CPED1: variants seen among roughly 807,000 people sequenced by gnomAD.
The protein encoded by CPED1 is cadherin-like and PC-esterase domain-containing protein 1.
A neutral mutation model predicts 128.2 loss-of-function variants in CPED1; 114 were observed. The observed-to-expected ratio is 0.89, with a 90% CI of 0.76 to 1.04. CPED1 has a LOEUF of 1.04. CPED1 is among the 50% of genes least tolerant of loss of function. The pLI is 0.00. For missense variants in CPED1, 1,211 were observed against 1,207.1 expected, an observed-to-expected ratio of 1.00 and a Z score of -0.05; for synonymous variants, 462 against 426.7, an observed-to-expected ratio of 1.08 and a Z score of -1.02.
At chr7:121,142,372 T>C (rs1160096756) in intron 16 of CPED1, among the ~76,000 whole-genome samples, 1 of 152,030 alleles carries the variant, frequency 6.6e-6, no homozygotes, top group Non-Finnish European at 1.5e-5. Flanking sequence ...AGTGGACTTA[T>C]TGTGGTTAAT....
At chr7:121,056,935 T>C (rs1007444891) in intron 4 of CPED1, among the ~76,000 whole-genome samples, 11 of 152,136 alleles carry the variant, frequency 7.2e-5, no homozygotes, top group Non-Finnish European at 1.6e-4. Context: ...TCAAGTCCTC[T>C]CTTCTCGTTA....
rs73723409 is a variant in CPED1 at position 121,063,254 on chromosome 7, G to C, written c.541-984G>C. ...TTGGGGAAGATTTCATCAATGCACA[G>C]TTGCCAAGCACTTTAAATGAATCAG... On this transcript the variant is annotated intron_variant, in intron 4 of 22. Transcript: ENST00000310396. Among the ~76,000 whole-genome samples the C allele has an allele frequency of 6.3e-3, 961 of 152,154 alleles. 13 individuals are homozygous for C. Among genetic ancestry groups the C allele is most frequent in the African/African-American group, 0.022 (918 of 41,500 alleles).
chr7:121,286,901 G>A (rs1019632181), intron 22 of CPED1, among the ~76,000 whole-genome samples: 2 of 152,156 alleles, frequency 1.3e-5, no homozygotes, highest in Non-Finnish European at 2.9e-5. Flanking sequence ...TGGCTGAGGA[G>A]GCCTCAGGAA....
chr7:121,207,840 C>G (rs1056309264), intron 16 of CPED1, among the ~76,000 whole-genome samples: 8 of 151,926 alleles, frequency 5.3e-5, no homozygotes, highest in African/African-American at 1.9e-4. Context: ...TTTGGAACCC[C>G]AAACTCTTCT....
intron 2 of CPED1, among the ~76,000 whole-genome samples, chr7:121,001,157 C>T (rs1041753918): frequency 6.6e-6 from 1 of 152,090 alleles, no homozygotes; most frequent in African/African-American, 2.4e-5. Context: ...GCTACTTGTC[C>T]ACTTTCCTTT....
At chr7:120,999,383 A>G (rs992113431) in intron 2 of CPED1, among the ~76,000 whole-genome samples, 7 of 152,118 alleles carry the variant, frequency 4.6e-5, no homozygotes, top group African/African-American at 1.7e-4. Flanking sequence ...GCCTATAAAC[A>G]TTCTCAAGTA....
intron 4 of CPED1, among the ~76,000 whole-genome samples, chr7:121,055,755 G>A (rs1793481346): frequency 6.6e-6 from 1 of 151,730 alleles, no homozygotes; most frequent in Non-Finnish European, 1.5e-5. Flanking sequence ...AGCCTATAAA[G>A]TACATTTATT....
intron 3 of CPED1, among the ~76,000 whole-genome samples, chr7:121,024,793 T>C (rs78939205): frequency 0.02 from 3,003 of 152,282 alleles, 100 homozygotes; most frequent in African/African-American, 0.069. Context: ...TAAAAACACA[T>C]AATATCCGAA....
chr7:121,281,472 A>G (rs761685470), intron 22 of CPED1, among the ~76,000 whole-genome samples: 2 of 152,166 alleles, frequency 1.3e-5, no homozygotes, highest in Non-Finnish European at 2.9e-5. Flanking sequence ...TATGCCTTCT[A>G]AAATGTCTCT....
chr7:121,238,167 G>A (rs1227831596), intron 17 of CPED1, among the ~76,000 whole-genome samples: 4 of 152,122 alleles, frequency 2.6e-5, no homozygotes, highest in Non-Finnish European at 5.9e-5. Context: ...CTTATGTTAG[G>A]CTTTGTGCCT....
intron 22 of CPED1, 147 bp from the exon 23 acceptor site, chr7:121,295,293 A>G (rs1156825167): frequency 1.0e-6 from 1 of 975,340 alleles, no homozygotes; most frequent in Non-Finnish European, 1.5e-6. Flanking sequence ...AACATAAGTT[A>G]TAGCCATTCC....
intron 18 of CPED1, among the ~76,000 whole-genome samples, chr7:121,247,826 G>A (rs1798572555): frequency 6.6e-6 from 1 of 152,106 alleles, no homozygotes; most frequent in South Asian, 2.1e-4. Flanking sequence ...CATCCCCCAA[G>A]TTTCCCTATC....
At chr7:120,995,953 TC>T in intron 2 of CPED1, among the ~76,000 whole-genome samples, 1 of 132,660 alleles carries the variant, frequency 7.5e-6, no homozygotes, top group Non-Finnish European at 1.6e-5. Flanking sequence ...CTTCTCCTCC[TC>T]CTCCTCCTCC....
intron 5 of CPED1, among the ~76,000 whole-genome samples, chr7:121,067,484 G>C (rs892748058): frequency 2.1e-4 from 32 of 152,234 alleles, no homozygotes; most frequent in Non-Finnish European, 4.3e-4. Flanking sequence ...TGGTGTACAC[G>C]TGCCACATTT....
rs545593746 is a variant in CPED1, at chr7:121,241,065, C to T, written c.2174-3137C>T. ...ATGAAAAAGAAATTATAAAACAGGC[C>T]GGGCGCGGTGGCTCACGCCTGTAAT... On this transcript the variant is annotated intron_variant, in intron 17 of 22. Coordinates refer to ENST00000310396, the MANE Select transcript of CPED1 (RefSeq NM_024913.5). Among the ~76,000 whole-genome samples, 3 of 54,738 alleles carry T rather than the reference C, an allele frequency of 5.5e-5. 1 individual carries two copies. The highest frequency in any genetic ancestry group is 1.3e-4 in the Non-Finnish European group (3 of 23,280). The allele number at this position is 54,738 out of a possible 152,430, so 35.9% of individuals were successfully genotyped here.
At chr7:121,176,033 A>G (rs139317017) in intron 16 of CPED1, among the ~76,000 whole-genome samples, 51 of 152,068 alleles carry the variant, frequency 3.4e-4, no homozygotes, top group African/African-American at 1.2e-3. Context: ...TAGAATGTAT[A>G]CCGCTTGGTG....
chr7:121,179,131 A>G (rs1383755247), intron 16 of CPED1, among the ~76,000 whole-genome samples: 2 of 152,094 alleles, frequency 1.3e-5, no homozygotes, highest in African/African-American at 4.8e-5. Context: ...CTGAAGGAAA[A>G]TGATGGGGTA....
At chr7:121,034,243 T>A (rs1452179642) in intron 3 of CPED1, among the ~76,000 whole-genome samples, 1 of 90,658 alleles carries the variant, frequency 1.1e-5, no homozygotes, top group Non-Finnish European at 2.2e-5. Flanking sequence ...TCAAGTTTTT[T>A]TTTCTTTTTT....
At chr7:121,291,977 C>T (rs764683764) in intron 22 of CPED1, among the ~76,000 whole-genome samples, 4 of 151,958 alleles carry the variant, frequency 2.6e-5, no homozygotes, top group Non-Finnish European at 4.4e-5. Context: ...TACATTCCAT[C>T]AATGCCTAGT....
Sources: allele counts gnomAD v4.1 joint callset (sites outside exome capture counted in the v4.1 genomes callset), GRCh38; gene constraint gnomAD v4.1.1; transcripts MANE v1.5; gene names NCBI Gene and HGNC (gene_info 2026-07-23, HGNC 2026-07-21).